NRXN1: variants seen among roughly 807,000 people sequenced by gnomAD.
NRXN1 encodes neurexin 1.
In NRXN1, 39 loss-of-function variants were observed where a neutral mutation model predicts 150.9. The observed-to-expected ratio is 0.26, with a 90% confidence interval of 0.20 to 0.34. The LOEUF (loss-of-function observed/expected upper bound fraction) is 0.34. NRXN1 is among the 10% of genes least tolerant of loss of function. The pLI is 1.00. For missense variants in NRXN1, 1,815 were observed against 1,949.9 expected (o/e 0.93, Z 1.30); for synonymous variants, 924 against 757.0 (o/e 1.22, Z -3.62).
At position 50,623,626 on chromosome 2, in the gene NRXN1, AC is replaced by A; in HGVS notation, c.833-12del. ...TATATTCTTCTTTTCCTAGAGGAAAACAGATGATACATACATAAGTAAACAA... is the reference window on the plus strand; with the variant it reads ...TATATTCTTCTTTTCCTAGAGGAAAAAGATGATACATACATAAGTAAACAA... On this transcript the variant is annotated splice_polypyrimidine_tract_variant and intron_variant, in intron 5 of 22. Coordinates refer to ENST00000401669, the MANE Select transcript of NRXN1 (RefSeq NM_001330078.2). 1 of 1,590,390 alleles carries A rather than the reference AC, an allele frequency of 6.3e-7. No homozygotes were observed. The highest frequency in any genetic ancestry group is 8.6e-7 in the Non-Finnish European group (1 of 1,161,506).
intron 17 of NRXN1, among the ~76,000 whole-genome samples, chr2:50,289,518 A>G (rs935024246): frequency 2.6e-5 from 4 of 152,166 alleles, no homozygotes; most frequent in Non-Finnish European, 4.4e-5. Flanking sequence ...GTACCTTAAT[A>G]GAAACCAGAA....
At chr2:50,305,132 A>C (rs2074502929) in intron 17 of NRXN1, among the ~76,000 whole-genome samples, 1 of 152,154 alleles carries the variant, frequency 6.6e-6, no homozygotes, top group Non-Finnish European at 1.5e-5. Context: ...TAGTTTATTA[A>C]CTTGGTAAAA....
intron 5 of NRXN1, among the ~76,000 whole-genome samples, chr2:50,689,854 T>TTGTGTG (rs796892350): frequency 0.038 from 5,122 of 135,242 alleles, 132 homozygotes; most frequent in Non-Finnish European, 0.049. Context: ...TTTTGCTTAT[T>TTGTGTG]TGTGTGTGTG....
chr2:50,891,766 AG>A (rs1188109018), intron 5 of NRXN1, among the ~76,000 whole-genome samples: 1 of 152,128 alleles, frequency 6.6e-6, no homozygotes, highest in Non-Finnish European at 1.5e-5. Context: ...AGCCTGGATC[AG>A]GGTAAACTCT....
chr2:51,009,667 A>C (rs1667554235), intron 2 of NRXN1, among the ~76,000 whole-genome samples: 2 of 152,118 alleles, frequency 1.3e-5, no homozygotes, highest in South Asian at 2.1e-4. Context: ...GATTTTCATT[A>C]GCGAAAGGAG....
intron 5 of NRXN1, among the ~76,000 whole-genome samples, chr2:50,753,212 A>G (rs1700801017): frequency 6.6e-6 from 1 of 151,920 alleles, no homozygotes; most frequent in South Asian, 2.1e-4. Flanking sequence ...AGGTTCTATT[A>G]GGGTTTTCAA....
At chr2:50,818,115 A>C (rs962580823) in intron 5 of NRXN1, among the ~76,000 whole-genome samples, 2 of 110,724 alleles carry the variant, frequency 1.8e-5, no homozygotes, top group Non-Finnish European at 3.9e-5. Context: ...ACTCCATAGC[A>C]AAAAAAAAAA....
intron 5 of NRXN1, among the ~76,000 whole-genome samples, chr2:50,656,956 C>T (rs1686568302): frequency 6.6e-6 from 1 of 151,978 alleles, no homozygotes; most frequent in South Asian, 2.1e-4. Flanking sequence ...GAAATAAACA[C>T]TATTAATATT....
chr2:50,628,592 C>T (rs1364817130), intron 5 of NRXN1, among the ~76,000 whole-genome samples: 1 of 151,650 alleles, frequency 6.6e-6, no homozygotes, highest in Non-Finnish European at 1.5e-5. Context: ...AAGCTTTGTG[C>T]TATTCTATAA....
rs372059360 is a variant in NRXN1 at position 51,006,510 on chromosome 2, C to T, written c.772+20992G>A. Among the ~76,000 whole-genome samples, 10 of 151,760 alleles carry T rather than the reference C, an allele frequency of 6.6e-5. No homozygotes were observed. The East Asian group carries it at 1.2e-3, about 18-fold the overall frequency. On this transcript the variant is annotated intron_variant, in intron 2 of 22. Coordinates refer to ENST00000401669, the MANE Select transcript of NRXN1 (RefSeq NM_001330078.2). ...TGTATGTATATGTAACAAACCTGCA[C>T]GTTGTGCACATGTACCCTAAAACTT...
intron 8 of NRXN1, among the ~76,000 whole-genome samples, chr2:50,591,168 G>A (rs1057369409): frequency 1.3e-5 from 2 of 152,212 alleles, no homozygotes; most frequent in Admixed American, 6.5e-5. Context: ...GTCAGGGACT[G>A]AGGCTTATTC....
chr2:50,316,544 G>C (rs1213061346), intron 17 of NRXN1, among the ~76,000 whole-genome samples: 1 of 151,912 alleles, frequency 6.6e-6, no homozygotes, highest in Non-Finnish European at 1.5e-5. Flanking sequence ...AATCTCCTTA[G>C]GATAATATTT....
At chr2:50,398,582 A>T (rs186542523) in intron 17 of NRXN1, among the ~76,000 whole-genome samples, 382 of 152,284 alleles carry the variant, frequency 2.5e-3, no homozygotes, top group African/African-American at 8.4e-3. Context: ...TTATTATAGC[A>T]GATAAAACTG....
At chr2:50,625,475 A>C (rs992023831) in intron 5 of NRXN1, among the ~76,000 whole-genome samples, 26 of 152,206 alleles carry the variant, frequency 1.7e-4, no homozygotes, top group African/African-American at 6.3e-4. Context: ...AACGCTCAGA[A>C]TATTGGCTGA....
chr2:50,698,853 C>G (rs1382725359), intron 5 of NRXN1, among the ~76,000 whole-genome samples: 1 of 152,184 alleles, frequency 6.6e-6, no homozygotes, highest in Non-Finnish European at 1.5e-5. Flanking sequence ...CTGTTTCTCT[C>G]TTTCTCATTT....
chr2:50,080,741 G>T (rs1446104279), intron 19 of NRXN1, among the ~76,000 whole-genome samples: 1 of 152,058 alleles, frequency 6.6e-6, no homozygotes, highest in African/African-American at 2.4e-5. Flanking sequence ...AAGTACAAAA[G>T]TTGGTCCTAT....
intron 2 of NRXN1, among the ~76,000 whole-genome samples, chr2:50,965,670 T>C (rs1335179845): frequency 6.6e-6 from 1 of 151,546 alleles, no homozygotes; most frequent in East Asian, 1.9e-4. Flanking sequence ...GCCATGCTTA[T>C]ATTTGGCTAG....
chr2:50,590,611 G>A (rs1262564671), intron 8 of NRXN1, among the ~76,000 whole-genome samples: 1 of 152,102 alleles, frequency 6.6e-6, no homozygotes, highest in Admixed American at 6.5e-5. Flanking sequence ...GGGCCTTTAG[G>A]AAGTGATGAG....
At chr2:49,981,214 A>G (rs1679931089) in intron 21 of NRXN1, among the ~76,000 whole-genome samples, 1 of 152,074 alleles carries the variant, frequency 6.6e-6, no homozygotes, top group Non-Finnish European at 1.5e-5. Flanking sequence ...CAACCTCAAG[A>G]CCCAAAGGAT....
Sources: gnomAD v4.1 joint callset for allele counts (sites outside exome capture counted in the v4.1 genomes callset) on GRCh38, gnomAD v4.1.1 for gene constraint, MANE v1.5 for transcripts, NCBI Gene and HGNC (gene_info 2026-07-23, HGNC 2026-07-21) for gene names.